CDC14A: variants seen among roughly 807,000 people sequenced by gnomAD.
The protein encoded by CDC14A is cell division cycle 14A, also known as dual specificity protein phosphatase CDC14A.
CDC14A carries 53 observed loss-of-function variants against 74.4 expected under a neutral mutation model. That is an observed-to-expected ratio of 0.71 (90% CI 0.57 to 0.89). The LOEUF (loss-of-function observed/expected upper bound fraction) is 0.89. CDC14A is among the 40% of genes least tolerant of loss of function. The probability of loss-of-function intolerance (pLI) is 0.00; values close to 1 mark genes in which losing one functional copy is unlikely to be tolerated. For missense variants in CDC14A, 646 were observed against 713.7 expected, an observed-to-expected ratio of 0.91 and a Z score of 1.08; for synonymous variants, 247 against 258.4, an observed-to-expected ratio of 0.96 and a Z score of 0.43.
chr1:100,471,460 T>C (rs1019257088), intron 10 of CDC14A, among the ~76,000 whole-genome samples: 2 of 152,166 alleles, frequency 1.3e-5, no homozygotes, highest in Non-Finnish European at 1.5e-5. Flanking sequence ...GTTAGAGATG[T>C]GCAATATCTC....
At chr1:100,506,031 AGG>A (rs1361195744) in intron 15 of CDC14A, among the ~76,000 whole-genome samples, 1 of 152,126 alleles carries the variant, frequency 6.6e-6, no homozygotes. Flanking sequence ...CATTACTGGG[AGG>A]ACAGCACAAA....
At position 100,487,576 on chromosome 1, in the gene CDC14A, A is replaced by G. The variant is rs199743243; in HGVS notation, c.1137+3125A>G. 3.6e-3 allele frequency among the ~76,000 whole-genome samples: 45 copies of G among 12,388 alleles called. 1 individual carries two copies. In the South Asian group the frequency reaches 0.15, roughly 41 times the overall value. The allele number at this position is 12,388 out of a possible 152,430, so 8.1% of individuals were successfully genotyped here. On this transcript the variant is annotated intron_variant, in intron 11 of 15. Transcript: ENST00000336454. The stretch of plus-strand genomic sequence containing the variant: ...CTCGGTCTCAAAAACAAAACAGAAC[A>G]AAACAAAACAAAACAAAACAAAAAA...
Position 100,387,588 on chromosome 1 carries a change from G to T in CDC14A, c.217-3144G>T, listed in dbSNP as rs917726927. Among the ~76,000 whole-genome samples, 9 of 152,260 alleles carry T rather than the reference G, an allele frequency of 5.9e-5. No individual in the cohort carries two copies. The South Asian group carries it at 1.9e-3, about 32-fold the overall frequency. Reference sequence around the variant, plus strand: ...CTCATAGGAAATATTTTAAAATAAAGTTTCTAGGAAGATTTTGTGAAGATC... The same window carrying T: ...CTCATAGGAAATATTTTAAAATAAATTTTCTAGGAAGATTTTGTGAAGATC... On this transcript the variant is annotated intron_variant, in intron 3 of 15. Transcript: ENST00000336454.
chr1:100,369,420 T>C (rs1233707805), intron 2 of CDC14A, among the ~76,000 whole-genome samples: 1 of 152,202 alleles, frequency 6.6e-6, no homozygotes, highest in Admixed American at 6.5e-5. Context: ...TTTTTAATAG[T>C]AGCCATTCTG....
chr1:100,360,425 C>A (rs1336522269), intron 2 of CDC14A, among the ~76,000 whole-genome samples: 2 of 151,594 alleles, frequency 1.3e-5, no homozygotes, highest in African/African-American at 4.9e-5. Context: ...CTCACTGCAA[C>A]CTCCACCTCC....
At chr1:100,365,938 T>G (rs1433640990) in intron 2 of CDC14A, among the ~76,000 whole-genome samples, 2 of 111,844 alleles carry the variant, frequency 1.8e-5, no homozygotes, top group African/African-American at 4.7e-5. Context: ...TTCAACAAAA[T>G]TTTACACACA....
In CDC14A at chr1:100,494,906, G is replaced by T. The variant is rs375533263; in HGVS notation, c.1226G>T (p.Arg409Leu). The change falls in exon 12 of 16, where the codon CGT (arginine) becomes CTT (leucine). Residue 409 changes from arginine (R) to leucine (L), a missense_variant. Arg to Leu is a moderately radical substitution (Grantham distance 102, BLOSUM62 -2). Coordinates refer to ENST00000336454, the MANE Select transcript of CDC14A (RefSeq NM_003672.4). ...GCCTTAAAAAGTCAGAGACAGCCACGTACCTCACCATCCTGTGCATTTAGG... is the reference window on the plus strand; with the variant it reads ...GCCTTAAAAAGTCAGAGACAGCCACTTACCTCACCATCCTGTGCATTTAGG... Reference protein sequence around the residue: ...LRALKSQRQPRTSPSCAFRSD... With the variant: ...LRALKSQRQPLTSPSCAFRSD... 6.2e-6 allele frequency: 10 copies of T among 1,608,412 alleles called. No individual in the cohort carries two copies. The highest frequency in any genetic ancestry group is 1.7e-5 in the Admixed American group (1 of 59,994).
At chr1:100,435,324 C>A (rs765132056) in intron 5 of CDC14A, among the ~76,000 whole-genome samples, 7 of 152,164 alleles carry the variant, frequency 4.6e-5, no homozygotes, top group Non-Finnish European at 8.8e-5. Flanking sequence ...TAAGATGATG[C>A]ATGCACAATG....
At chr1:100,465,732 A>G (rs966097059) in intron 9 of CDC14A, among the ~76,000 whole-genome samples, 6 of 152,254 alleles carry the variant, frequency 3.9e-5, no homozygotes, top group African/African-American at 1.4e-4. Flanking sequence ...GTGGTTGATA[A>G]AAGAGATGGC....
At position 100,520,132 on chromosome 1, in the gene CDC14A, T is replaced by C. The variant is rs1650564933; in HGVS notation, c.*1852T>C. 3.3e-5 allele frequency: 5 copies of C among 152,570 alleles called. No homozygotes were observed. Among genetic ancestry groups the C allele is most frequent in the Admixed American group, 2.6e-4 (4 of 15,274 alleles). The allele number at this position is 152,570 out of a possible 1,614,324, so 9.5% of individuals were successfully genotyped here. On this transcript the variant is annotated 3_prime_UTR_variant, in exon 16 of 16. Transcript: ENST00000336454. The stretch of plus-strand genomic sequence containing the variant: ...GTGGATGTATATAATATAGAAAGTA[T>C]ATAGCAAAGTAATTTTACTCTGATA...
At chr1:100,360,530 A>G (rs140224128) in intron 2 of CDC14A, among the ~76,000 whole-genome samples, 2,228 of 150,592 alleles carry the variant, frequency 0.015, 35 homozygotes, top group African/African-American at 0.041. Flanking sequence ...TTTTTTGTAG[A>G]GACAGGGTTT....
intron 10 of CDC14A, among the ~76,000 whole-genome samples, chr1:100,475,564 G>T (rs1466813765): frequency 6.6e-6 from 1 of 152,166 alleles, no homozygotes; most frequent in East Asian, 1.9e-4. Context: ...GGGTTGGGGG[G>T]CAGGGGGTTG....
chr1:100,496,081 T>C (rs377722191), intron 13 of CDC14A, 32 bp downstream of exon 13: 1 of 1,568,414 alleles, frequency 6.4e-7, no homozygotes, highest in Non-Finnish European at 8.8e-7. Context: ...GTCTAGTAGC[T>C]TGTAAATATA....
At chr1:100,387,312 A>G (rs1320159864) in intron 3 of CDC14A, among the ~76,000 whole-genome samples, 3 of 152,190 alleles carry the variant, frequency 2.0e-5, no homozygotes, top group Non-Finnish European at 4.4e-5. Flanking sequence ...TGCTCTCATT[A>G]ACTTTGAATT....
intron 6 of CDC14A, among the ~76,000 whole-genome samples, chr1:100,441,604 A>T (rs1234003774): frequency 6.7e-6 from 1 of 149,220 alleles, no homozygotes; most frequent in Non-Finnish European, 1.5e-5. Context: ...GAGTTTGTAT[A>T]TTTTTCTCAC....
chr1:100,412,079 G>C (rs1660788372), intron 4 of CDC14A, among the ~76,000 whole-genome samples: 1 of 152,188 alleles, frequency 6.6e-6, no homozygotes. Context: ...CTCTGCTAGG[G>C]CTTGTATGTG....
intron 4 of CDC14A, among the ~76,000 whole-genome samples, chr1:100,409,558 G>A (rs1335376311): frequency 1.3e-5 from 2 of 152,186 alleles, no homozygotes; most frequent in African/African-American, 4.8e-5. Flanking sequence ...ACAGGCATTG[G>A]GTAAGTACAG....
Position 100,439,849 on chromosome 1 carries a change from C to T in CDC14A, c.390-83C>T, listed in dbSNP as rs28361229. ...TAGCTGTGAAGCCAAACAAGCACAT[C>T]TCCAGCTGACTTTGGTGTTATATTT... On this transcript the variant is annotated intron_variant, in intron 5 of 15. Coordinates refer to ENST00000336454, the MANE Select transcript of CDC14A (RefSeq NM_003672.4). 8.8e-4 allele frequency: 825 copies of T among 936,248 alleles called. 7 individuals carry two copies. The African/African-American group carries it at 0.012, about 13-fold the overall frequency. 58.0% of individuals were successfully genotyped at this position (936,248 alleles called of 1,614,324 possible). A position where few individuals can be genotyped will look rare whatever the true frequency, so the allele number is the denominator to read the frequency against.
intron 10 of CDC14A, among the ~76,000 whole-genome samples, chr1:100,473,213 A>G (rs1384964877): frequency 1.3e-5 from 2 of 151,878 alleles, no homozygotes; most frequent in Non-Finnish European, 2.9e-5. Context: ...ATGTCTTTTC[A>G]TTTATTTAGA....
Sources: allele counts gnomAD v4.1 joint callset (sites outside exome capture counted in the v4.1 genomes callset), GRCh38; gene constraint gnomAD v4.1.1; transcripts MANE v1.5; gene names NCBI Gene and HGNC (gene_info 2026-07-23, HGNC 2026-07-21).